NUP214: variants seen among roughly 807,000 people sequenced by gnomAD.
The protein encoded by NUP214 is nuclear pore complex protein Nup214.
In NUP214, 79 loss-of-function variants were observed where a neutral mutation model predicts 196.2. The ratio of observed to expected loss-of-function variants is 0.40; its 90% confidence interval spans 0.34 to 0.49. The LOEUF (loss-of-function observed/expected upper bound fraction) is 0.49, where lower values mean the gene tolerates loss of function less well. Among genes scored for constraint, NUP214 ranks in the 20% least tolerant of loss-of-function variants. The pLI is 0.58. For missense variants in NUP214, 2,468 were observed against 2,539.0 expected (o/e 0.97, Z 0.60); for synonymous variants, 1,020 against 990.5 (o/e 1.03, Z -0.56).
intron 9 of NUP214, chr9:131,136,965 A>G (rs1831748503): frequency 6.6e-6 from 1 of 152,216 alleles, no homozygotes; most frequent in South Asian, 2.1e-4. Context: ...ATACATAGGT[A>G]CTTTGTGCCT....
At chr9:131,129,139 AACAATCTTTTTTTATGGTT>A in intron 3 of NUP214, 121 bp from the exon 4 acceptor site, 1 of 743,928 alleles carries the variant, frequency 1.3e-6, no homozygotes. Flanking sequence ...TGATGCATAA[AACAATCTTTTTTTATGGTT>A]ATGGAGAAAA....
At chr9:131,193,485 T>C in intron 27 of NUP214, among the ~76,000 whole-genome samples, 1 of 152,056 alleles carries the variant, frequency 6.6e-6, no homozygotes, top group Non-Finnish European at 1.5e-5. Flanking sequence ...ATATATTTTT[T>C]CTTTATTATA....
In NUP214 at chr9:131,233,470, G is replaced by C; in HGVS notation, c.6256G>C (p.Gly2086Arg). Reference protein sequence around the residue: ...GSNNSSVQGFGGWRS With the variant: ...GSNNSSVQGFRGWRS ...TCCTTGCAGGTCTGTCCAGGGTTTTGGTGGCTGGCGAAGCTGAGGGCGTGT... is the reference window on the plus strand; with the variant it reads ...TCCTTGCAGGTCTGTCCAGGGTTTTCGTGGCTGGCGAAGCTGAGGGCGTGT... The change falls in exon 36 of 36, where the codon GGT becomes CGT. Residue 2086 changes from glycine (G) to arginine (R), a missense_variant. By Grantham distance (125) the Gly-to-Arg change is moderately radical. This residue lies in a region of NUP214 where 262 missense variants were observed against 296.5 expected (regional missense o/e 0.88). Transcript: ENST00000359428. 1 of 1,613,520 alleles carries C rather than the reference G, an allele frequency of 6.2e-7. No homozygotes were observed. The highest frequency in any genetic ancestry group is 8.5e-7 in the Non-Finnish European group (1 of 1,179,706).
At chr9:131,187,246 T>G (rs1833476474) in intron 24 of NUP214, 43 bp from the exon 25 acceptor site, 1 of 1,541,288 alleles carries the variant, frequency 6.5e-7, no homozygotes, top group African/African-American at 1.4e-5. Flanking sequence ...GATTTTTACC[T>G]AGTCATGCCT....
rs191799361 is a variant in NUP214 at position 131,193,746 on chromosome 9, G to A, written c.3659+1454G>A. On this transcript the variant is annotated intron_variant, in intron 27 of 35. Coordinates refer to ENST00000359428, the MANE Select transcript of NUP214 (RefSeq NM_005085.4). ...AGCTCACTGCAATCTTCACCTCCCGGGTTCAAGTGATTCTCTTGCCCTAGC... is the reference window on the plus strand; with the variant it reads ...AGCTCACTGCAATCTTCACCTCCCGAGTTCAAGTGATTCTCTTGCCCTAGC... Among the ~76,000 whole-genome samples the A allele has an allele frequency of 2.4e-3, 342 of 140,594 alleles. 3 individuals carry two copies. Among genetic ancestry groups the A allele is most frequent in the African/African-American group, 8.6e-3 (328 of 38,280 alleles). 92.2% of individuals were successfully genotyped at this position (140,594 alleles called of 152,430 possible).
chr9:131,216,376 C>G (rs997167707), intron 31 of NUP214, among the ~76,000 whole-genome samples: 1 of 151,372 alleles, frequency 6.6e-6, no homozygotes, highest in Non-Finnish European at 1.5e-5. Flanking sequence ...AGGTGCCCGC[C>G]ACCAAGCCCG....
At chr9:131,126,885 G>C (rs1831374125) in intron 1 of NUP214, 1 of 152,120 alleles carries the variant, frequency 6.6e-6, no homozygotes, top group Admixed American at 6.5e-5. Context: ...CACCACCTGT[G>C]GTGAGCCACC....
intron 21 of NUP214, chr9:131,164,433 C>A: frequency 2.6e-6 from 1 of 377,790 alleles, no homozygotes; most frequent in Non-Finnish European, 4.8e-6. Context: ...GGCACTGATT[C>A]ACAAGGGTTT....
chr9:131,140,735 A>G (rs1474488970), intron 11 of NUP214, 25 bp downstream of exon 11: 1 of 1,603,238 alleles, frequency 6.2e-7, no homozygotes, highest in Non-Finnish European at 8.5e-7. Context: ...CTGCTTTATC[A>G]GTAAGGGAAT....
intron 17 of NUP214, among the ~76,000 whole-genome samples, chr9:131,156,738 T>G (rs529784671): frequency 6.6e-6 from 1 of 152,156 alleles, no homozygotes; most frequent in Non-Finnish European, 1.5e-5. Flanking sequence ...GATGAGTCTT[T>G]AGGGTTTTTT....
At chr9:131,215,884 C>T (rs1318658496) in intron 31 of NUP214, among the ~76,000 whole-genome samples, 1 of 149,336 alleles carries the variant, frequency 6.7e-6, no homozygotes, top group Non-Finnish European at 1.5e-5. Flanking sequence ...TCTGCCAGTA[C>T]TTTCTTTAGC....
intron 11 of NUP214, among the ~76,000 whole-genome samples, chr9:131,143,035 C>T (rs1831970187): frequency 6.6e-6 from 1 of 152,130 alleles, no homozygotes. Flanking sequence ...AGACAGGGGT[C>T]TCACTCTGTT....
At chr9:131,133,302 G>GTTTTT in intron 7 of NUP214, 93 bp downstream of exon 7, 8 of 500,276 alleles carry the variant, frequency 1.6e-5, no homozygotes, top group East Asian at 4.3e-5. Flanking sequence ...TTTTGTGTTT[G>GTTTTT]TGTTTTTTTT....
At position 131,178,327 on chromosome 9, in the gene NUP214, T is replaced by A; in HGVS notation, c.3336T>A (p.Thr1112=). The A allele has an allele frequency of 6.2e-7, 1 of 1,613,418 alleles. No individual in the cohort carries two copies. Among genetic ancestry groups the A allele is most frequent in the Non-Finnish European group, 8.5e-7 (1 of 1,179,356 alleles). ...ASQAPAVNTL[T]ESTLKNVPQV... The stretch of plus-strand genomic sequence containing the variant: ...TTAAATTAGCTGTAAACACTTTGAC[T>A]GAATCAACGTTGAAGAATGTCCCTC... Residue 1112 remains threonine, a synonymous_variant, in exon 24 of 36, where the codon ACT becomes ACA. Coordinates refer to ENST00000359428, the MANE Select transcript of NUP214 (RefSeq NM_005085.4).
intron 18 of NUP214, among the ~76,000 whole-genome samples, chr9:131,160,081 A>G (rs1432556725): frequency 2.0e-5 from 3 of 152,238 alleles, no homozygotes; most frequent in South Asian, 2.1e-4. Flanking sequence ...TTTTTTCTTA[A>G]CTACAGAATA....
At chr9:131,162,349 C>T (rs997312841) in intron 18 of NUP214, among the ~76,000 whole-genome samples, 1 of 152,156 alleles carries the variant, frequency 6.6e-6, no homozygotes, top group East Asian at 1.9e-4. Flanking sequence ...ATGATTTTTC[C>T]TATCCCCTCT....
chr9:131,225,860 A>G (rs1225091549), intron 32 of NUP214, among the ~76,000 whole-genome samples: 1 of 152,312 alleles, frequency 6.6e-6, no homozygotes, highest in Non-Finnish European at 1.5e-5. Context: ...CCCTTCAGTA[A>G]AATTGCATTA....
chr9:131,220,972 A>G (rs989546926), intron 31 of NUP214, among the ~76,000 whole-genome samples: 2 of 152,196 alleles, frequency 1.3e-5, no homozygotes, highest in African/African-American at 4.8e-5. Flanking sequence ...AGGAGATTCA[A>G]CCCCAGTCTT....
chr9:131,135,039 T>G, intron 8 of NUP214, 35 bp downstream of exon 8: 1 of 1,383,892 alleles, frequency 7.2e-7, no homozygotes, highest in Admixed American at 1.7e-5. Context: ...ATTCCTGCTC[T>G]CACTGGAAGA....
Sources: allele counts gnomAD v4.1 joint callset (sites outside exome capture counted in the v4.1 genomes callset), GRCh38; gene constraint gnomAD v4.1.1; regional missense constraint gnomAD v4.1.1; transcripts MANE v1.5; gene names NCBI Gene and HGNC (gene_info 2026-07-23, HGNC 2026-07-21).